Variants in CYP2D6 observed in about 807,000 individuals in gnomAD.
CYP2D6 encodes cytochrome P450 2D6.
CYP2D6 carries 51 observed loss-of-function variants against 43.5 expected under a neutral mutation model. The observed-to-expected ratio is 1.17, with a 90% CI of 0.94 to 1.48. The LOEUF is 1.48. Ranked by LOEUF, CYP2D6 falls within the 40% of genes most tolerant of loss-of-function variation. The pLI is 0.00. For synonymous variants in CYP2D6, 346 were observed against 297.1 expected (o/e 1.16, Z -1.69); for missense variants, 698 against 688.0 (o/e 1.01, Z -0.16).
In CYP2D6 at chr22:42,126,509, C is replaced by T. The variant is rs1359451770; in HGVS notation, c.*65G>A. On this transcript the variant is annotated 3_prime_UTR_variant, in exon 9 of 9. Transcript: ENST00000645361. Reference sequence around the variant, plus strand: ...AGCAGGGGACCCGAGTTGGAACTACCACATTGCTTTATTGTACATTAGAGC... The same window carrying T: ...AGCAGGGGACCCGAGTTGGAACTACTACATTGCTTTATTGTACATTAGAGC... The T allele has an allele frequency of 6.7e-7, 1 of 1,494,340 alleles. No individual in the cohort carries two copies. The highest frequency in any genetic ancestry group is 1.4e-5 in the African/African-American group (1 of 70,794). The allele number at this position is 1,494,340 out of a possible 1,614,324, so 92.6% of individuals were successfully genotyped here.
rs867349751 is a variant in CYP2D6 at position 42,128,406 on chromosome 22, A to G, written c.667-56T>C. ...TCCTGTGCTCTGCGTTCACCTGGACAAGTCTCAGGCCCCAGCCATCTCCAG... is the reference window on the plus strand; with the variant it reads ...TCCTGTGCTCTGCGTTCACCTGGACGAGTCTCAGGCCCCAGCCATCTCCAG... On this transcript the variant is annotated intron_variant, in intron 4 of 8. Coordinates refer to ENST00000645361, the MANE Select transcript of CYP2D6 (RefSeq NM_000106.6). The G allele has an allele frequency of 1.9e-6, 3 of 1,583,176 alleles. 1 individual carries two copies. The Admixed American group carries it at 5.0e-5, about 27-fold the overall frequency.
chr22:42,129,246 C>G (rs565221543), intron 2 of CYP2D6, 61 bp from the exon 3 acceptor site: 2 of 1,564,796 alleles, frequency 1.3e-6, no homozygotes, highest in South Asian at 2.3e-5. Context: ...CATCCACCAC[C>G]CACTCCAACC....
chr22:42,128,145 T>C (rs1324189627), intron 5 of CYP2D6, 29 bp downstream of exon 5: 1 of 1,590,690 alleles, frequency 6.3e-7, no homozygotes, highest in African/African-American at 1.4e-5. Context: ...CCCACCACCC[T>C]TGCCCCCCAC....
chr22:42,129,431 C>T, intron 2 of CYP2D6: 2 of 761,256 alleles, frequency 2.6e-6, no homozygotes, highest in Non-Finnish European at 4.5e-6. Context: ...GCGCCACCCA[C>T]ACTGAGCTTA....
At position 42,127,686 on chromosome 22, in the gene CYP2D6, T is replaced by A. The variant is rs1367654358; in HGVS notation, c.986-52A>T. 5.7e-6 allele frequency: 9 copies of A among 1,588,708 alleles called. 1 individual carries two copies. The highest frequency in any genetic ancestry group is 7.8e-6 in the Non-Finnish European group (9 of 1,158,430). ...GGTCAGCACCCAGGGGGTCCGGCCCTGACACTCCTTCTTGCCTCCTATGTT... is the reference window on the plus strand; with the variant it reads ...GGTCAGCACCCAGGGGGTCCGGCCCAGACACTCCTTCTTGCCTCCTATGTT... On this transcript the variant is annotated intron_variant, in intron 6 of 8. Transcript: ENST00000645361.
At chr22:42,128,062 G>A in intron 5 of CYP2D6, 79 bp from the exon 6 acceptor site, 3 of 1,600,306 alleles carry the variant, frequency 1.9e-6, no homozygotes, top group Non-Finnish European at 2.6e-6. Flanking sequence ...TGTCAGCCCA[G>A]ATGCGGCTCG....
At position 42,127,385 on chromosome 22, in the gene CYP2D6, C is replaced by A. The variant is rs891742278; in HGVS notation, c.1173+62G>T. ...CTAGAGTGGGCCCACCTGGCAGTAG[C>A]CATGCTGGGGCTATCACCAGGTGCT... is the stretch of plus-strand genomic sequence containing the variant. On this transcript the variant is annotated intron_variant, in intron 7 of 8. Coordinates refer to ENST00000645361, the MANE Select transcript of CYP2D6 (RefSeq NM_000106.6). 440 of 1,374,284 alleles carry A rather than the reference C, an allele frequency of 3.2e-4. 4 individuals are homozygous for A. The highest frequency in any genetic ancestry group is 2.9e-4 in the Non-Finnish European group (281 of 972,906). 85.1% of individuals were successfully genotyped at this position (1,374,284 alleles called of 1,614,324 possible).
rs187203531 is a variant in CYP2D6, at chr22:42,128,071, C to T, written c.844-88G>A. On this transcript the variant is annotated intron_variant, in intron 5 of 8. Transcript: ENST00000645361. ...TGCACCTGTCAGCCCAGATGCGGCT[C>T]GCCGGGTGATGCACTGGTCCAACCT... is the stretch of plus-strand genomic sequence containing the variant. 39 of 1,594,294 alleles carry T rather than the reference C, an allele frequency of 2.4e-5. 1 individual carries two copies. The East Asian group carries it at 3.6e-4, about 15-fold the overall frequency.
Position 42,128,629 on chromosome 22 carries a change from C to T in CYP2D6, c.666+155G>A, listed in dbSNP as rs779673542. Among the ~76,000 whole-genome samples the T allele has an allele frequency of 2.0e-5, 3 of 151,018 alleles. 1 individual carries two copies. The highest frequency in any genetic ancestry group is 3.0e-5 in the Non-Finnish European group (2 of 67,752). ...TCTCCCACGACCATGTCTGAGATGT[C>T]CCCTCCTCCTCCAGGCCCTTCTTAC... On this transcript the variant is annotated intron_variant, in intron 4 of 8. Transcript: ENST00000645361.
At position 42,129,229 on chromosome 22, in the gene CYP2D6, G is replaced by A. The variant is rs1931592266; in HGVS notation, c.353-44C>T. 6.9e-6 allele frequency: 11 copies of A among 1,590,554 alleles called. 1 individual carries two copies. The highest frequency in any genetic ancestry group is 1.7e-4 in the Middle Eastern group (1 of 6,046). On this transcript the variant is annotated intron_variant, in intron 2 of 8. Transcript: ENST00000645361. ...CGTGCGCGTGGCCATGAAGGCATTA[G>A]CCCCACCATCCACCACCCACTCCAA...
intron 4 of CYP2D6, 76 bp from the exon 5 acceptor site, chr22:42,128,426 C>T (rs1931345467): frequency 1.3e-6 from 2 of 1,543,058 alleles, no homozygotes; most frequent in South Asian, 1.1e-5. Flanking sequence ...CCCCAGCCAT[C>T]TCCAGGTAGA....
intron 2 of CYP2D6, chr22:42,129,408 C>A (rs1247378713): frequency 1.3e-6 from 1 of 778,190 alleles, no homozygotes; most frequent in Non-Finnish European, 2.2e-6. Context: ...TCAGGGAAGA[C>A]CCCGCGGGCC....
rs760526942 is a variant in CYP2D6, at chr22:42,128,780, G to A, written c.666+4C>T. ...CAGAGACTCCTCGGTCTCTCGCTCCGCACCTCGCGCAGAAAGCCCGACTCC... is the reference window on the plus strand; with the variant it reads ...CAGAGACTCCTCGGTCTCTCGCTCCACACCTCGCGCAGAAAGCCCGACTCC... On this transcript the variant is annotated splice_donor_region_variant and intron_variant, in intron 4 of 8. Coordinates refer to ENST00000645361, the MANE Select transcript of CYP2D6 (RefSeq NM_000106.6). 5.6e-6 allele frequency: 9 copies of A among 1,604,334 alleles called. 1 individual carries two copies. Among genetic ancestry groups the A allele is most frequent in the African/African-American group, 1.4e-5 (1 of 74,004 alleles).
In CYP2D6 at chr22:42,128,862, C is replaced by T. The variant is rs571424588; in HGVS notation, c.588G>A (p.Glu196=). Residue 196 remains glutamate (E), a synonymous_variant, in exon 4 of 9, where the codon GAG becomes GAA. Coordinates refer to ENST00000645361, the MANE Select transcript of CYP2D6 (RefSeq NM_000106.6). The part of the protein sequence containing the change: ...IASLTCGRRF[E]YDDPRFLRLL... ...GCCTGAGGAAGCGAGGGTCGTCGTACTCGAAGCGGCGCCCGCAGGTGAGGG... is the reference window on the plus strand; with the variant it reads ...GCCTGAGGAAGCGAGGGTCGTCGTATTCGAAGCGGCGCCCGCAGGTGAGGG... 3.7e-6 allele frequency: 6 copies of T among 1,603,382 alleles called. No individual in the cohort carries two copies. In the African/African-American group the frequency reaches 8.1e-5, roughly 22 times the overall value.
At position 42,127,447 on chromosome 22, in the gene CYP2D6, C is replaced by T. The variant is rs756643024; in HGVS notation, c.1173G>A (p.Lys391=). 2 of 1,606,506 alleles carry T rather than the reference C, an allele frequency of 1.2e-6. No homozygotes were observed. Among genetic ancestry groups the T allele is most frequent in the South Asian group, 2.2e-5 (2 of 90,714 alleles). The change falls in exon 7 of 9, where the codon AAG becomes AAA. Residue 391 remains lysine (K), a splice_region_variant and synonymous_variant. Coordinates refer to ENST00000645361, the MANE Select transcript of CYP2D6 (RefSeq NM_000106.6). ...DIEVQGFRIP[K]GTTLITNLSS... ...GGGGTGAGGAGGGCGCCAGGCCTAC[C>T]TTAGGGATGCGGAAGCCCTGTACTT...
intron 4 of CYP2D6, 118 bp from the exon 5 acceptor site, chr22:42,128,468 C>T (rs1931356885): frequency 8.3e-6 from 10 of 1,198,356 alleles, no homozygotes; most frequent in South Asian, 7.6e-5. Flanking sequence ...CCACTGACCT[C>T]ACCAAGTCCC....
At chr22:42,130,054 G>C (rs1311864949) in intron 1 of CYP2D6, 145 bp from the exon 2 acceptor site, 7 of 816,514 alleles carry the variant, frequency 8.6e-6, no homozygotes, top group African/African-American at 2.1e-5. Context: ...ATCGTGGGGC[G>C]GGGGTGGGGG....
At position 42,127,837 on chromosome 22, in the gene CYP2D6, C is replaced by T. The variant is rs767401994; in HGVS notation, c.985+5G>A. ...GCCCCTGCACTGTTTCCCAGATGGG[C>T]TCACGCTGCACATCCGGATGTAGGA... On this transcript the variant is annotated splice_donor_5th_base_variant and intron_variant, in intron 6 of 8. Coordinates refer to ENST00000645361, the MANE Select transcript of CYP2D6 (RefSeq NM_000106.6). 2 of 1,610,928 alleles carry T rather than the reference C, an allele frequency of 1.2e-6. No individual in the cohort carries two copies. Among genetic ancestry groups the T allele is most frequent in the East Asian group, 4.5e-5 (2 of 44,754 alleles).
At position 42,127,875 on chromosome 22, in the gene CYP2D6, G is replaced by A; in HGVS notation, c.952C>T (p.Leu318Phe). Residue 318 changes from leucine (L) to phenylalanine (F), a missense_variant, in exon 6 of 9, where the codon CTC becomes TTC. By Grantham distance (22) the Leu-to-Phe change is conservative (BLOSUM62 0). This residue lies in a region of CYP2D6 where 588 missense variants were observed against 521.1 expected (regional missense o/e 1.13). Transcript: ENST00000645361. ...TCCGGATGTAGGATCATGAGCAGGA[G>A]GCCCCAGGCCAGCGTGGTCGAGGTG... is the stretch of plus-strand genomic sequence containing the variant. ...VTTSTTLAWG[L>F]LLMILHPDVQ... The A allele has an allele frequency of 2.5e-6, 4 of 1,611,142 alleles. 1 individual carries two copies. In the South Asian group the frequency reaches 4.4e-5, roughly 18 times the overall value.
Sources: allele counts gnomAD v4.1 joint callset (sites outside exome capture counted in the v4.1 genomes callset), GRCh38; gene constraint gnomAD v4.1.1; regional missense constraint gnomAD v4.1.1; transcripts MANE v1.5; gene names NCBI Gene and HGNC (gene_info 2026-07-23, HGNC 2026-07-21).